Variants in KALRN observed in about 807,000 individuals in gnomAD.
KALRN encodes the protein kalirin RhoGEF kinase.
In KALRN, 70 loss-of-function variants were observed where a neutral mutation model predicts 353.7. That is an observed-to-expected ratio of 0.20 (90% CI 0.16 to 0.24). The LOEUF is 0.24. Among genes scored for constraint, KALRN ranks in the 10% least tolerant of loss-of-function variants. The pLI is 1.00. For synonymous variants in KALRN, 1,391 were observed against 1,434.8 expected (o/e 0.97, Z 0.69); for missense variants, 2,791 against 3,756.7 (o/e 0.74, Z 6.72).
intron 5 of KALRN, among the ~76,000 whole-genome samples, chr3:124,292,427 T>G (rs1053831435): frequency 6.6e-6 from 1 of 151,550 alleles, no homozygotes; most frequent in African/African-American, 2.4e-5. Flanking sequence ...ATAGTGAGAG[T>G]TGAGGTGTAG....
At chr3:124,451,949 A>C (rs1445631) in intron 21 of KALRN, among the ~76,000 whole-genome samples, 23,280 of 152,198 alleles carry the variant, frequency 0.15, 2,362 homozygotes, top group East Asian at 0.51. Context: ...CTGTCTGTAC[A>C]GTTTAAATCC....
chr3:124,234,744 A>G, intron 2 of KALRN, 85 bp from the exon 3 acceptor site: 1 of 1,011,826 alleles, frequency 9.9e-7, no homozygotes, highest in Non-Finnish European at 1.5e-6. Flanking sequence ...CTGATCACCC[A>G]GCACTCAGAC....
At chr3:124,125,974 G>C (rs919615139) in intron 1 of KALRN, among the ~76,000 whole-genome samples, 1 of 152,110 alleles carries the variant, frequency 6.6e-6, no homozygotes, top group African/African-American at 2.4e-5. Context: ...GGAAAAGGAG[G>C]TGACTCTACC....
chr3:124,591,042 C>T (rs2075716545), intron 34 of KALRN, among the ~76,000 whole-genome samples: 1 of 152,110 alleles, frequency 6.6e-6, no homozygotes, highest in Admixed American at 6.5e-5. Context: ...AACTCTAAAT[C>T]GGGTGTTGAC....
intron 21 of KALRN, among the ~76,000 whole-genome samples, chr3:124,447,816 T>G (rs1298048374): frequency 6.6e-6 from 1 of 152,178 alleles, no homozygotes; most frequent in Non-Finnish European, 1.5e-5. Flanking sequence ...TCCTATGAAC[T>G]CTCAATATTG....
At chr3:124,372,341 T>C (rs1038689679) in intron 10 of KALRN, among the ~76,000 whole-genome samples, 2 of 152,138 alleles carry the variant, frequency 1.3e-5, no homozygotes, top group African/African-American at 2.4e-5. Flanking sequence ...TGAGACATAA[T>C]CATTATTAAT....
intron 33 of KALRN, among the ~76,000 whole-genome samples, chr3:124,528,693 G>A (rs537093073): frequency 2.4e-4 from 36 of 152,180 alleles, no homozygotes; most frequent in Non-Finnish European, 4.1e-4. Flanking sequence ...CTAAGTTCAG[G>A]AGGTTGTTTG....
chr3:124,575,976 A>G (rs567338786), intron 34 of KALRN, among the ~76,000 whole-genome samples: 65 of 151,844 alleles, frequency 4.3e-4, no homozygotes, highest in African/African-American at 1.5e-3. Flanking sequence ...TCTACCATTC[A>G]CCTGACCAGC....
intron 57 of KALRN, among the ~76,000 whole-genome samples, chr3:124,709,725 A>G (rs2062801274): frequency 6.6e-6 from 1 of 152,262 alleles, no homozygotes; most frequent in Non-Finnish European, 1.5e-5. Context: ...GAAATTCCAG[A>G]AAGAGAGAAT....
chr3:124,643,613 G>GT (rs1207022434), intron 37 of KALRN, among the ~76,000 whole-genome samples: 1 of 152,100 alleles, frequency 6.6e-6, no homozygotes, highest in East Asian at 1.9e-4. Flanking sequence ...TCCTGAGTAG[G>GT]TGGGACTATG....
chr3:124,168,600 C>G (rs12636152), intron 1 of KALRN, among the ~76,000 whole-genome samples: 42,438 of 152,106 alleles, frequency 0.28, 6,517 homozygotes, highest in East Asian at 0.48. Flanking sequence ...AGTGATACCA[C>G]TTTCTTTCCC....
At chr3:124,346,613 C>T (rs1487356449) in intron 9 of KALRN, among the ~76,000 whole-genome samples, 1 of 152,190 alleles carries the variant, frequency 6.6e-6, no homozygotes, top group Non-Finnish European at 1.5e-5. Flanking sequence ...ATATCATGAG[C>T]ATCCAACTGG....
chr3:124,637,357 C>A, intron 37 of KALRN, 54 bp downstream of exon 37: 1 of 1,287,794 alleles, frequency 7.8e-7, no homozygotes, highest in Non-Finnish European at 1.1e-6. Flanking sequence ...CACACTGCTC[C>A]AGGCTTGCAT....
At chr3:124,601,044 G>C (rs1258871842) in intron 34 of KALRN, among the ~76,000 whole-genome samples, 2 of 152,172 alleles carry the variant, frequency 1.3e-5, no homozygotes, top group Admixed American at 1.3e-4. Flanking sequence ...ACCTCTAAGA[G>C]CCAAGCATGG....
rs2953132 is a variant in KALRN at position 124,645,993 on chromosome 3, A to T, written c.5665-4815A>T. On this transcript the variant is annotated intron_variant, in intron 37 of 59. Coordinates refer to ENST00000682506, the MANE Select transcript of KALRN (RefSeq NM_001388419.1). The stretch of plus-strand genomic sequence containing the variant: ...TCTCTTATTTTTCATTTTTATTTTT[A>T]TTTTTTTGCTGCCTCCCTGTCTGGG... 6.2e-3 allele frequency among the ~76,000 whole-genome samples: 945 copies of T among 151,542 alleles called. 12 individuals carry two copies. The highest frequency in any genetic ancestry group is 0.022 in the African/African-American group (888 of 41,278).
rs146500941 is a variant in KALRN, at chr3:124,583,800, A to G, written c.5182+20711A>G. On this transcript the variant is annotated intron_variant, in intron 34 of 59. Transcript: ENST00000682506. ...TCACCTGGGAACTTGTAGCAATGCA[A>G]ATTCTCGGGCCCCACCTCCTACCTA... Among the ~76,000 whole-genome samples, 344 of 152,296 alleles carry G rather than the reference A, an allele frequency of 2.3e-3. 1 individual carries two copies. The highest frequency in any genetic ancestry group is 5.2e-3 in the South Asian group (25 of 4,814).
chr3:124,458,766 T>TAA (rs201045557), intron 23 of KALRN, among the ~76,000 whole-genome samples: 2 of 148,636 alleles, frequency 1.3e-5, no homozygotes. Context: ...CTGTCTTTGC[T>TAA]AAAAAAAAAA....
At position 124,488,244 on chromosome 3, in the gene KALRN, AG is replaced by A. The variant is rs1561107749; in HGVS notation, c.4327del (p.Asp1443MetfsTer5). 6.2e-7 allele frequency: 1 copy of A among 1,613,958 alleles called. No homozygotes were observed. Among genetic ancestry groups the A allele is most frequent in the East Asian group, 2.2e-5 (1 of 44,874 alleles). On this transcript the variant is annotated frameshift_variant, in exon 29 of 60. Coordinates refer to ENST00000682506, the MANE Select transcript of KALRN (RefSeq NM_001388419.1). LOFTEE classifies it high-confidence loss of function. The stretch of plus-strand genomic sequence containing the variant: ...TGTGAAGAAGGGAAAGGGGAGCTCA[AG>A]GATGGCCTGGAGGTGATGCTCAGTG... Reference protein sequence around the residue: ...TCCEEGKGELKDGLEVMLSVP... With the variant: ...TCCEEGKGELXDGLEVMLSVP...
Position 124,712,918 on chromosome 3 carries a change from C to T in KALRN, c.8076-17C>T, listed in dbSNP as rs748562348. The T allele has an allele frequency of 1.9e-6, 3 of 1,585,812 alleles. No individual in the cohort carries two copies. The Admixed American group carries it at 5.1e-5, about 27-fold the overall frequency. ...TAATTAATGAATGTTGGCAAACTCT[C>T]CCTTTTGTTTTTCCAGAGGCCGTTT... On this transcript the variant is annotated splice_polypyrimidine_tract_variant and intron_variant, in intron 57 of 59. Coordinates refer to ENST00000682506, the MANE Select transcript of KALRN (RefSeq NM_001388419.1).
Sources: allele counts gnomAD v4.1 joint callset (sites outside exome capture counted in the v4.1 genomes callset), GRCh38; gene constraint gnomAD v4.1.1; transcripts MANE v1.5; gene names NCBI Gene and HGNC (gene_info 2026-07-23, HGNC 2026-07-21).